The following AGAP1 variants were observed in gnomAD, a reference collection of about 807,000 sequenced individuals.
AGAP1 encodes the protein ArfGAP with GTPase domain, ankyrin repeat and PH domain 1.
AGAP1 carries 29 observed loss-of-function variants against 105.3 expected under a neutral mutation model. That is an observed-to-expected ratio of 0.28 (90% CI 0.21 to 0.38). The LOEUF is 0.38. AGAP1 is among the 10% of genes least tolerant of loss of function. The pLI is 1.00. For synonymous variants in AGAP1, 509 were observed against 485.9 expected (o/e 1.05, Z -0.63); for missense variants, 998 against 1,165.1 (o/e 0.86, Z 2.09).
At chr2:235,730,319 C>G (rs1951871749) in intron 3 of AGAP1, among the ~76,000 whole-genome samples, 1 of 152,000 alleles carries the variant, frequency 6.6e-6, no homozygotes, top group South Asian at 2.1e-4. Flanking sequence ...CTCTGCTGTC[C>G]CACTTGCTTC....
chr2:235,631,661 G>T lies in AGAP1; in HGVS notation c.164-77518G>T, dbSNP rs1425766958. On this transcript the variant is annotated intron_variant, in intron 1 of 17. Transcript: ENST00000304032. This position sits in a 1 kb window ranked among gnomAD's most constrained non-coding sequence, Gnocchi z 5.4. ...TGGGCAAGTTGGTTAACCTCTCTGT[G>T]CTTAGGTGACCTTCGATGGCACGGG... Among the ~76,000 whole-genome samples, 2 of 152,216 alleles carry T rather than the reference G, an allele frequency of 1.3e-5. No homozygotes were observed. Among genetic ancestry groups the T allele is most frequent in the Non-Finnish European group, 2.9e-5 (2 of 68,036 alleles).
At position 236,014,859 on chromosome 2, in the gene AGAP1, G is replaced by A; in HGVS notation, c.1646-21702G>A. ...GTTGGTAGCCTGCGAAATATATACA[G>A]CAGCAGCACCAACACTGAAGGTAAC... On this transcript the variant is annotated intron_variant, in intron 13 of 17. Coordinates refer to ENST00000304032, the MANE Select transcript of AGAP1 (RefSeq NM_001037131.3). The surrounding 1 kb of genome is among the most constrained non-coding windows in gnomAD (Gnocchi z 6.3). The A allele has an allele frequency of 2.2e-6, 1 of 452,146 alleles. No individual in the cohort carries two copies. Among genetic ancestry groups the A allele is most frequent in the South Asian group, 1.6e-5 (1 of 61,848 alleles). 28.0% of individuals were successfully genotyped at this position (452,146 alleles called of 1,614,324 possible).
rs1947224806 is a variant in AGAP1 at position 235,642,296 on chromosome 2, GA to G, written c.164-66880del. 6.6e-6 allele frequency among the ~76,000 whole-genome samples: 1 copy of G among 152,172 alleles called. No individual in the cohort carries two copies. Among genetic ancestry groups the G allele is most frequent in the Admixed American group, 6.5e-5 (1 of 15,278 alleles). Reference sequence around the variant, plus strand: ...CATTCAGTGGGGGAGGATTTACAAAGAAACTTGAGGTGAGGGGCCCTCTGCA... The same window carrying G: ...CATTCAGTGGGGGAGGATTTACAAAGAACTTGAGGTGAGGGGCCCTCTGCA... On this transcript the variant is annotated intron_variant, in intron 1 of 17. Coordinates refer to ENST00000304032, the MANE Select transcript of AGAP1 (RefSeq NM_001037131.3). The surrounding 1 kb of genome is among the most constrained non-coding windows in gnomAD (Gnocchi z 4.1).
At chr2:235,780,782 C>T (rs1956213071) in intron 6 of AGAP1, among the ~76,000 whole-genome samples, 1 of 152,084 alleles carries the variant, frequency 6.6e-6, no homozygotes, top group Non-Finnish European at 1.5e-5. Context: ...ATAGTTCTCC[C>T]GCTGACAGTC....
chr2:235,903,578 G>A (rs1410257350), intron 10 of AGAP1, among the ~76,000 whole-genome samples: 1 of 152,178 alleles, frequency 6.6e-6, no homozygotes, highest in Admixed American at 6.5e-5. Context: ...TTGATGGATT[G>A]CTGTATTTTG....
chr2:235,741,138 G>T lies in AGAP1; in HGVS notation c.396+90G>T. ...AAGTGCTTCTAGAAATCGGTGACTT[G>T]GTTTCCAAAAAAGTGGAAACCCCAT... is the stretch of plus-strand genomic sequence containing the variant. On this transcript the variant is annotated intron_variant, in intron 4 of 17. Transcript: ENST00000304032. This position sits in a 1 kb window ranked among gnomAD's most constrained non-coding sequence, Gnocchi z 4.9. 2.6e-6 allele frequency: 3 copies of T among 1,161,708 alleles called. No individual in the cohort carries two copies. Among genetic ancestry groups the T allele is most frequent in the Non-Finnish European group, 2.3e-6 (2 of 861,562 alleles). 72.0% of individuals were successfully genotyped at this position (1,161,708 alleles called of 1,614,324 possible). A position where few individuals can be genotyped will look rare whatever the true frequency, so the allele number is the denominator to read the frequency against.
intron 2 of AGAP1, 25 bp downstream of exon 2, chr2:235,709,262 C>A (rs1411559012): frequency 6.2e-7 from 1 of 1,612,112 alleles, no homozygotes; most frequent in Non-Finnish European, 8.5e-7. Context: ...CTGGCCCTGG[C>A]ACCTGTGGGA....
chr2:235,958,886 C>T lies in AGAP1; in HGVS notation c.1484-9576C>T, dbSNP rs145980722. Among the ~76,000 whole-genome samples the T allele has an allele frequency of 6.6e-6, 1 of 152,358 alleles. No individual in the cohort carries two copies. Among genetic ancestry groups the T allele is most frequent in the African/African-American group, 2.4e-5 (1 of 41,578 alleles). Reference sequence around the variant, plus strand: ...GAAACTGCTTCTTTGACTCATACTTCACGTTCCGAAGCTCGGAGAGACTGC... The same window carrying T: ...GAAACTGCTTCTTTGACTCATACTTTACGTTCCGAAGCTCGGAGAGACTGC... On this transcript the variant is annotated intron_variant, in intron 12 of 17. Transcript: ENST00000304032. This position sits in a 1 kb window ranked among gnomAD's most constrained non-coding sequence, Gnocchi z 4.1.
chr2:236,022,671 A>T (rs377185549), intron 13 of AGAP1, among the ~76,000 whole-genome samples: 13 of 152,188 alleles, frequency 8.5e-5, no homozygotes, highest in African/African-American at 2.9e-4. Flanking sequence ...AGTAGCTGGG[A>T]TTATAGGCAC....
At position 235,517,697 on chromosome 2, in the gene AGAP1, G is replaced by A. The variant is rs547603770; in HGVS notation, c.163+22848G>A. Among the ~76,000 whole-genome samples, 13 of 152,298 alleles carry A rather than the reference G, an allele frequency of 8.5e-5. 1 individual carries two copies. The South Asian group carries it at 2.7e-3, about 32-fold the overall frequency. Reference sequence around the variant, plus strand: ...CACACCTGTAATCCCAGCACTCTGGGAGGCCGAGGCAGACAGATCACTTGA... The same window carrying A: ...CACACCTGTAATCCCAGCACTCTGGAAGGCCGAGGCAGACAGATCACTTGA... On this transcript the variant is annotated intron_variant, in intron 1 of 17. Transcript: ENST00000304032. The surrounding 1 kb of genome is among the most constrained non-coding windows in gnomAD (Gnocchi z 4.1).
At position 235,549,790 on chromosome 2, in the gene AGAP1, A is replaced by G. The variant is rs1221273518; in HGVS notation, c.163+54941A>G. Among the ~76,000 whole-genome samples the G allele has an allele frequency of 6.6e-6, 1 of 152,150 alleles. No individual in the cohort carries two copies. The highest frequency in any genetic ancestry group is 1.5e-5 in the Non-Finnish European group (1 of 68,036). ...ACCTCTCAGGATTCTTACTCTAACA[A>G]ACAGGTATAGACAACATCCTAGTTG... On this transcript the variant is annotated intron_variant, in intron 1 of 17. Coordinates refer to ENST00000304032, the MANE Select transcript of AGAP1 (RefSeq NM_001037131.3). This position sits in a 1 kb window ranked among gnomAD's most constrained non-coding sequence, Gnocchi z 4.2.
rs1469764244 is a variant in AGAP1 at position 235,618,640 on chromosome 2, A to G, written c.164-90539A>G. On this transcript the variant is annotated intron_variant, in intron 1 of 17. Transcript: ENST00000304032. The stretch of plus-strand genomic sequence containing the variant: ...TTATATTTAAATAATGTACCATAAA[A>G]GCTTAAAATTACAAGACTTAAAATT... 2.0e-5 allele frequency among the ~76,000 whole-genome samples: 3 copies of G among 152,248 alleles called. No individual in the cohort carries two copies. In the East Asian group the frequency reaches 5.8e-4, roughly 29 times the overall value.
intron 1 of AGAP1, among the ~76,000 whole-genome samples, chr2:235,672,464 C>T (rs1948489048): frequency 6.6e-6 from 1 of 152,178 alleles, no homozygotes; most frequent in Admixed American, 6.5e-5. Context: ...GTTTTAACCT[C>T]CCTTGGAGCA....
chr2:235,991,575 C>T (rs926875341), intron 13 of AGAP1, among the ~76,000 whole-genome samples: 4 of 152,180 alleles, frequency 2.6e-5, no homozygotes, highest in Non-Finnish European at 4.4e-5. Flanking sequence ...TTTTTTAAAT[C>T]ATTTCATTTC....
Position 235,750,284 on chromosome 2 carries a change from G to T in AGAP1, c.539-70G>T. 6.3e-7 allele frequency: 1 copy of T among 1,596,564 alleles called. No individual in the cohort carries two copies. The highest frequency in any genetic ancestry group is 8.6e-7 in the Non-Finnish European group (1 of 1,165,684). On this transcript the variant is annotated intron_variant, in intron 5 of 17. Transcript: ENST00000304032. This position sits in a 1 kb window ranked among gnomAD's most constrained non-coding sequence, Gnocchi z 5.3. ...GAGTAAGGTACTGGTTTTCCGTGTT[G>T]TGGGGAGTGTAGGAAGTATTTAGAG...
rs369554713 is a variant in AGAP1 at position 235,883,473 on chromosome 2, A to G, written c.1155+24A>G. 6 of 1,589,818 alleles carry G rather than the reference A, an allele frequency of 3.8e-6. No homozygotes were observed. Among genetic ancestry groups the G allele is most frequent in the Non-Finnish European group, 5.2e-6 (6 of 1,159,120 alleles). On this transcript the variant is annotated intron_variant, in intron 10 of 17. Coordinates refer to ENST00000304032, the MANE Select transcript of AGAP1 (RefSeq NM_001037131.3). The surrounding 1 kb of genome is among the most constrained non-coding windows in gnomAD (Gnocchi z 4.5). ...ATGTGAGTATAGCCCCCTCGGAGCA[A>G]TTAACAGCTGCAGACCTCAACTAAA...
chr2:235,758,132 G>T (rs985789130), intron 6 of AGAP1, among the ~76,000 whole-genome samples: 31 of 150,856 alleles, frequency 2.1e-4, no homozygotes, highest in African/African-American at 6.7e-4. Context: ...ACTAGTGTGT[G>T]TGTGCATGCG....
chr2:236,125,324 G>A lies in AGAP1; in HGVS notation c.*1202G>A, dbSNP rs2059985992. 1 of 152,636 alleles carries A rather than the reference G, an allele frequency of 6.6e-6. No individual in the cohort carries two copies. Among genetic ancestry groups the A allele is most frequent in the Admixed American group, 6.5e-5 (1 of 15,276 alleles). The allele number at this position is 152,636 out of a possible 1,614,324, so 9.5% of individuals were successfully genotyped here. On this transcript the variant is annotated 3_prime_UTR_variant, in exon 18 of 18. Coordinates refer to ENST00000304032, the MANE Select transcript of AGAP1 (RefSeq NM_001037131.3). The surrounding 1 kb of genome is among the most constrained non-coding windows in gnomAD (Gnocchi z 5.2). ...ATTGAACTGGATGTGAACTAATAAT[G>A]TGCAACTAGTTGAGATAAGAGGGTT...
At chr2:235,995,742 G>A (rs1285758308) in intron 13 of AGAP1, among the ~76,000 whole-genome samples, 1 of 152,162 alleles carries the variant, frequency 6.6e-6, no homozygotes, top group African/African-American at 2.4e-5. Flanking sequence ...CCATCTCTCT[G>A]TCTCGGAGCC....
Sources: gnomAD v4.1 joint callset for allele counts (sites outside exome capture counted in the v4.1 genomes callset) on GRCh38, gnomAD v4.1.1 for gene constraint, Gnocchi (gnomAD v3.1) non-coding constraint, MANE v1.5 for transcripts, NCBI Gene and HGNC (gene_info 2026-07-23, HGNC 2026-07-21) for gene names.